Variants in EXOC7 observed in about 807,000 individuals in gnomAD.
EXOC7 encodes the protein exocyst complex component Exo70.
A neutral mutation model predicts 87.6 loss-of-function variants in EXOC7; 51 were observed. The ratio of observed to expected loss-of-function variants is 0.58; its 90% confidence interval spans 0.46 to 0.73. The LOEUF (loss-of-function observed/expected upper bound fraction) is 0.73. Among genes scored for constraint, EXOC7 ranks in the 30% least tolerant of loss-of-function variants. EXOC7 has a pLI of 0.00. For synonymous variants in EXOC7, 327 were observed against 357.1 expected, an observed-to-expected ratio of 0.92 and a Z score of 0.95; for missense variants, 744 against 888.4, an observed-to-expected ratio of 0.84 and a Z score of 2.07.
At chr17:76,084,485 A>G in intron 16 of EXOC7, 32 bp downstream of exon 16, 1 of 1,606,916 alleles carries the variant, frequency 6.2e-7, no homozygotes, top group Non-Finnish European at 8.5e-7. Context: ...CGTCTGCCAG[A>G]CACCCCTTCC....
At chr17:76,090,536 G>A in intron 7 of EXOC7, 4 of 1,513,532 alleles carry the variant, frequency 2.6e-6, no homozygotes, top group Middle Eastern at 3.4e-4. Context: ...GCATCGGAGA[G>A]GGCCCTGAGC....
chr17:76,101,500 A>G (rs2068059946), intron 3 of EXOC7, 124 bp from the exon 4 acceptor site: 1 of 1,432,456 alleles, frequency 7.0e-7, no homozygotes, highest in Non-Finnish European at 9.4e-7. Flanking sequence ...CTATCCCCCC[A>G]CTGCCTTTTA....
intron 13 of EXOC7, 44 bp from the exon 14 acceptor site, chr17:76,085,841 C>G: frequency 6.3e-7 from 1 of 1,594,722 alleles, no homozygotes; most frequent in Non-Finnish European, 8.5e-7. Flanking sequence ...GGCAGTCTGA[C>G]CCAAACGACC....
chr17:76,086,182 A>G, intron 12 of EXOC7, 37 bp from the exon 13 acceptor site: 1 of 1,602,780 alleles, frequency 6.2e-7, no homozygotes, highest in Non-Finnish European at 8.5e-7. Flanking sequence ...CAGTGGCAGC[A>G]GCCAAGACCC....
Position 76,083,698 on chromosome 17 carries a change from C to T in EXOC7, c.2005G>A (p.Val669Met). Residue 669 changes from valine (V) to methionine (M), a missense_variant, in exon 19 of 19, where the codon GTG becomes ATG. Coordinates refer to ENST00000589210, the MANE Select transcript of EXOC7 (RefSeq NM_001013839.4). ...TCGATCATGTCGCCCACCTGCTCCA[C>T]CCCGTACTTGATGTACTTCTCCGGG... ...KNPEKYIKYGVEQVGDMIDRL... is the reference protein window; with the variant it reads ...KNPEKYIKYGMEQVGDMIDRL... 6.2e-7 allele frequency: 1 copy of T among 1,613,810 alleles called. No homozygotes were observed. Among genetic ancestry groups the T allele is most frequent in the Non-Finnish European group, 8.5e-7 (1 of 1,180,018 alleles).
At chr17:76,101,953 C>T in intron 2 of EXOC7, 90 bp from the exon 3 acceptor site, 4 of 1,121,462 alleles carry the variant, frequency 3.6e-6, no homozygotes, top group Non-Finnish European at 5.0e-6. Context: ...TGCCTTTTCT[C>T]TGGTTTTCTA....
intron 7 of EXOC7, chr17:76,089,625 C>T (rs975486533): frequency 3.7e-5 from 16 of 438,166 alleles, no homozygotes; most frequent in African/African-American, 2.0e-4. Context: ...CCTGAATCAG[C>T]GTCCTGGATA....
Position 76,081,609 on chromosome 17 carries a change from T to G in EXOC7, c.*2039A>C, listed in dbSNP as rs2066979385. 6.2e-7 allele frequency: 1 copy of G among 1,614,084 alleles called. No individual in the cohort carries two copies. On this transcript the variant is annotated 3_prime_UTR_variant, in exon 19 of 19. Coordinates refer to ENST00000589210, the MANE Select transcript of EXOC7 (RefSeq NM_001013839.4). ...CTCTTGGTGCCTGCAGAGGCACTGC[T>G]GTTGGCTGACGTGTGCGGGGGGTTG...
intron 9 of EXOC7, 52 bp from the exon 10 acceptor site, chr17:76,088,614 T>C: frequency 6.3e-7 from 1 of 1,596,156 alleles, no homozygotes; most frequent in South Asian, 1.1e-5. Context: ...TCTGTGAGCA[T>C]CTCACTCACC....
Position 76,083,471 on chromosome 17 carries a change from G to A in EXOC7, c.*177C>T. 1.6e-6 allele frequency: 1 copy of A among 630,134 alleles called. No homozygotes were observed. The highest frequency in any genetic ancestry group is 2.8e-5 in the East Asian group (1 of 36,002). 39.0% of individuals were successfully genotyped at this position (630,134 alleles called of 1,614,324 possible). On this transcript the variant is annotated 3_prime_UTR_variant, in exon 19 of 19. Transcript: ENST00000589210. ...GCTGGTTCGGCTGGGAACACGGGCT[G>A]TGGGGAAAAAGCAGGAGCCAGGACT...
At chr17:76,095,361 C>T (rs926548792) in intron 5 of EXOC7, among the ~76,000 whole-genome samples, 9 of 151,370 alleles carry the variant, frequency 5.9e-5, no homozygotes, top group Middle Eastern at 3.4e-3. Context: ...CTCTGCCTCC[C>T]GGGTTAAAGT....
At chr17:76,103,158 T>C (rs2144719353) in intron 2 of EXOC7, 1 of 590,864 alleles carries the variant, frequency 1.7e-6, no homozygotes, top group African/African-American at 1.9e-5. Context: ...CAGTGGGAAG[T>C]GCAGCCTCCT....
chr17:76,094,558 T>C lies in EXOC7; in HGVS notation c.664A>G (p.Ile222Val). ...NQDFMNVYYQ[I>V]RSSQLDRSIK... ...GAGCGGTCCAGCTGGCTGGAGCGTA[T>C]CTGGTAGTAGACGTTCATGAAATCT... The change falls in exon 6 of 19, where the codon ATA (isoleucine) becomes GTA (valine). Residue 222 changes from isoleucine to valine, a missense_variant. Coordinates refer to ENST00000589210, the MANE Select transcript of EXOC7 (RefSeq NM_001013839.4). 6.2e-7 allele frequency: 1 copy of C among 1,613,632 alleles called. No homozygotes were observed. Among genetic ancestry groups the C allele is most frequent in the Non-Finnish European group, 8.5e-7 (1 of 1,179,906 alleles).
At chr17:76,102,429 C>G (rs908869738) in intron 2 of EXOC7, among the ~76,000 whole-genome samples, 6 of 139,228 alleles carry the variant, frequency 4.3e-5, no homozygotes, top group Non-Finnish European at 9.0e-5. Context: ...CACACACACA[C>G]ACACACACAC....
chr17:76,088,720 G>A (rs370200692), intron 9 of EXOC7, 51 bp downstream of exon 9: 36 of 1,609,392 alleles, frequency 2.2e-5, no homozygotes, highest in African/African-American at 4.0e-5. Flanking sequence ...GGCCACACCC[G>A]GCAGCACGAT....
chr17:76,081,854 G>GC lies in EXOC7; in HGVS notation c.*1793dup. The stretch of plus-strand genomic sequence containing the variant: ...CAGAGACACAGGGACTGGCCCCTGA[G>GC]CATCTCCCTGTGCCCTGCCTCCCCC... On this transcript the variant is annotated 3_prime_UTR_variant, in exon 19 of 19. Coordinates refer to ENST00000589210, the MANE Select transcript of EXOC7 (RefSeq NM_001013839.4). 6.2e-7 allele frequency: 1 copy of GC among 1,608,538 alleles called. No individual in the cohort carries two copies. The highest frequency in any genetic ancestry group is 8.5e-7 in the Non-Finnish European group (1 of 1,176,278).
chr17:76,103,511 A>G, intron 1 of EXOC7, 85 bp from the exon 2 acceptor site: 3 of 1,555,778 alleles, frequency 1.9e-6, no homozygotes, highest in South Asian at 2.4e-5. Flanking sequence ...CTAGCCCCCA[A>G]CCCCATCTCC....
At position 76,088,236 on chromosome 17, in the gene EXOC7, CA is replaced by C. The variant is rs144240530; in HGVS notation, c.1300-115del. On this transcript the variant is annotated intron_variant, in intron 10 of 18. Transcript: ENST00000589210. ...GACGGGTGCTAGGACACCTCTCAGGCACAAAGGCTGAGCCAGGCTGGACCAA... is the reference window on the plus strand; with the variant it reads ...GACGGGTGCTAGGACACCTCTCAGGCCAAAGGCTGAGCCAGGCTGGACCAA... 3.0e-4 allele frequency: 355 copies of C among 1,176,398 alleles called. No homozygotes were observed. The African/African-American group carries it at 4.9e-3, about 16-fold the overall frequency. The allele number at this position is 1,176,398 out of a possible 1,614,324, so 72.9% of individuals were successfully genotyped here.
Position 76,088,533 on chromosome 17 carries a change from C to A in EXOC7, c.1230G>T (p.Leu410=). The change falls in exon 10 of 19, where the codon CTG becomes CTT. Residue 410 remains leucine (L), a synonymous_variant. Transcript: ENST00000589210. ...QGTAASTKNK[L]PGLITSMETI... Reference sequence around the variant, plus strand: ...TCTCCATGGATGTGATGAGGCCAGGCAGCTTGTTCTTTGTGCTGGCAGCCG... The same window carrying A: ...TCTCCATGGATGTGATGAGGCCAGGAAGCTTGTTCTTTGTGCTGGCAGCCG... 3.1e-6 allele frequency: 5 copies of A among 1,614,012 alleles called. No individual in the cohort carries two copies. Among genetic ancestry groups the A allele is most frequent in the Non-Finnish European group, 4.2e-6 (5 of 1,179,986 alleles).
Sources: allele counts gnomAD v4.1 joint callset (sites outside exome capture counted in the v4.1 genomes callset), GRCh38; gene constraint gnomAD v4.1.1; transcripts MANE v1.5; gene names NCBI Gene and HGNC (gene_info 2026-07-23, HGNC 2026-07-21).